The following KNTC1 variants were observed in gnomAD, a reference collection of about 807,000 sequenced individuals.
KNTC1 encodes the protein kinetochore associated 1.
Under a neutral mutation model 314.4 loss-of-function variants are expected in KNTC1, and 253 were observed. That is an observed-to-expected ratio of 0.80 (90% CI 0.73 to 0.89). The LOEUF is 0.89. Among genes scored for constraint, KNTC1 ranks in the 40% least tolerant of loss-of-function variants. The pLI is 0.00. For missense variants in KNTC1, 2,475 were observed against 2,572.9 expected (o/e 0.96, Z 0.82); for synonymous variants, 901 against 901.4 (o/e 1.00, Z 0.01).
chr12:122,605,506 C>A, intron 51 of KNTC1, 91 bp downstream of exon 51: 1 of 651,866 alleles, frequency 1.5e-6, no homozygotes. Context: ...ATGATACAGC[C>A]TTCTAATTAG....
In KNTC1 at chr12:122,563,038, A is replaced by G. The variant is rs116629313; in HGVS notation, c.1604+339A>G. ...AAAAAAAAATTTTTTTTTTTAGATTATAAGTTACATAGAAATTTGGAATGT... is the reference window on the plus strand; with the variant it reads ...AAAAAAAAATTTTTTTTTTTAGATTGTAAGTTACATAGAAATTTGGAATGT... On this transcript the variant is annotated intron_variant, in intron 20 of 63. Transcript: ENST00000333479. 8.1e-3 allele frequency among the ~76,000 whole-genome samples: 1,230 copies of G among 151,832 alleles called. 12 individuals carry two copies. The highest frequency in any genetic ancestry group is 0.032 in the South Asian group (155 of 4,818).
chr12:122,576,017 T>A (rs534884993), intron 29 of KNTC1, 118 bp downstream of exon 29: 1 of 1,211,944 alleles, frequency 8.3e-7, no homozygotes, highest in South Asian at 1.7e-5. Context: ...ACTACATTTC[T>A]TTTGTTAGAT....
intron 29 of KNTC1, among the ~76,000 whole-genome samples, chr12:122,576,540 G>T (rs189413583): frequency 1.6e-3 from 242 of 152,266 alleles, no homozygotes; most frequent in South Asian, 3.1e-3. Flanking sequence ...AATTAGCAGG[G>T]TGTGGTGGCA....
At chr12:122,616,838 A>G (rs1011366168) in intron 57 of KNTC1, among the ~76,000 whole-genome samples, 3 of 152,174 alleles carry the variant, frequency 2.0e-5, no homozygotes, top group African/African-American at 7.2e-5. Flanking sequence ...CTAATTCCAG[A>G]ACATTTTCCT....
intron 53 of KNTC1, chr12:122,611,569 C>G (rs1873126423): frequency 1.3e-5 from 2 of 152,396 alleles, no homozygotes; most frequent in Middle Eastern, 3.4e-3. Flanking sequence ...GCTCACAGCT[C>G]AGCTGTGTAC....
chr12:122,564,598 G>C (rs1284835294), intron 20 of KNTC1, among the ~76,000 whole-genome samples: 1 of 151,934 alleles, frequency 6.6e-6, no homozygotes, highest in Non-Finnish European at 1.5e-5. Context: ...CTCCCAAGTA[G>C]CTTGGGACTA....
At chr12:122,610,246 T>C (rs1227928174) in intron 52 of KNTC1, among the ~76,000 whole-genome samples, 1 of 152,194 alleles carries the variant, frequency 6.6e-6, no homozygotes, top group Admixed American at 6.5e-5. Flanking sequence ...CTGGTATGTC[T>C]ACCTGAACTA....
chr12:122,610,969 A>G, intron 53 of KNTC1, 69 bp downstream of exon 53: 1 of 1,129,682 alleles, frequency 8.9e-7, no homozygotes, highest in South Asian at 1.3e-5. Flanking sequence ...CTGTTTATTT[A>G]CCATGCTTGA....
chr12:122,622,554 G>T lies in KNTC1; in HGVS notation c.6462G>T (p.Ala2154=), dbSNP rs538519234. The change falls in exon 62 of 64, where the codon GCG becomes GCT. Residue 2154 remains alanine (A), a synonymous_variant. Transcript: ENST00000333479. ...ACTTTCAAATGTTGAAGATGCATGC[G>T]ATGAATACCAACAATATCACTGAGC... is the stretch of plus-strand genomic sequence containing the variant. The part of the protein sequence containing the change: ...TKYFQMLKMH[A]MNTNNITELV... 1.3e-6 allele frequency: 2 copies of T among 1,571,764 alleles called. No homozygotes were observed. Among genetic ancestry groups the T allele is most frequent in the Admixed American group, 1.9e-5 (1 of 53,202 alleles).
At chr12:122,556,283 G>T (rs112117543) in intron 16 of KNTC1, among the ~76,000 whole-genome samples, 3,648 of 152,018 alleles carry the variant, frequency 0.024, 134 homozygotes, top group African/African-American at 0.08. Flanking sequence ...CTCCCAAAAT[G>T]CAAGGATTAC....
intron 16 of KNTC1, among the ~76,000 whole-genome samples, chr12:122,556,395 T>C (rs900002313): frequency 6.6e-6 from 1 of 151,920 alleles, no homozygotes; most frequent in African/African-American, 2.4e-5. Context: ...TCCTTCTAAC[T>C]GAAGCTTTGC....
At chr12:122,562,806 T>A in intron 20 of KNTC1, 107 bp downstream of exon 20, 2 of 654,512 alleles carry the variant, frequency 3.1e-6, no homozygotes, top group East Asian at 6.1e-5. Flanking sequence ...GATCAGGAGT[T>A]CGAGACCAGC....
chr12:122,538,770 A>AT (rs1460635005), intron 4 of KNTC1, among the ~76,000 whole-genome samples: 1 of 152,150 alleles, frequency 6.6e-6, no homozygotes, highest in East Asian at 1.9e-4. Context: ...AGCTCTTGTC[A>AT]TTTTGAGGAA....
In KNTC1 at chr12:122,585,704, A is replaced by T. The variant is rs767739940; in HGVS notation, c.3603A>T (p.Gly1201=). Residue 1201 remains glycine, a synonymous_variant, in exon 37 of 64, where the codon GGA becomes GGT. Coordinates refer to ENST00000333479, the MANE Select transcript of KNTC1 (RefSeq NM_014708.6). ...ACAGTGACTTCTTCAGTGAAGATGG[A>T]ATTGTTCTTGAGTCACAGATGGTGC... ...WSYSDFFSED[G]IVLESQMVLP... 8.1e-6 allele frequency: 13 copies of T among 1,613,530 alleles called. No individual in the cohort carries two copies. The highest frequency in any genetic ancestry group is 8.0e-5 in the African/African-American group (6 of 74,902).
intron 18 of KNTC1, 129 bp from the exon 19 acceptor site, chr12:122,561,792 T>G: frequency 1.5e-6 from 1 of 665,146 alleles, no homozygotes. Context: ...TTCTTTATAG[T>G]TTACTATTCA....
chr12:122,591,198 G>A (rs1433041744), intron 41 of KNTC1, 139 bp from the exon 42 acceptor site: 3 of 624,470 alleles, frequency 4.8e-6, no homozygotes, highest in South Asian at 1.9e-5. Flanking sequence ...AAGAAGTAAC[G>A]ACTGTGTACA....
rs1321219613 is a variant in KNTC1 at position 122,587,771 on chromosome 12, A to G, written c.3791A>G (p.Glu1264Gly). 1.9e-6 allele frequency: 3 copies of G among 1,613,838 alleles called. No individual in the cohort carries two copies. Among genetic ancestry groups the G allele is most frequent in the East Asian group, 4.5e-5 (2 of 44,874 alleles). ...TCTGCCCTGCTTCAGAATCTTCAGG[A>G]ATCTAGCCAGTGGGAGCTAGCCCTA... ...SISALLQNLQ[E>G]SSQWELALRF... The change falls in exon 39 of 64, where the codon GAA (glutamate) becomes GGA (glycine). Residue 1264 changes from glutamate (E) to glycine (G), a missense_variant. Glu to Gly is a moderately conservative substitution (Grantham distance 98). Coordinates refer to ENST00000333479, the MANE Select transcript of KNTC1 (RefSeq NM_014708.6).
At chr12:122,605,671 G>C (rs749121437) in intron 51 of KNTC1, among the ~76,000 whole-genome samples, 1 of 151,912 alleles carries the variant, frequency 6.6e-6, no homozygotes, top group Non-Finnish European at 1.5e-5. Flanking sequence ...TCAGCCTCCC[G>C]AGTAGCTGGG....
chr12:122,532,606 G>C lies in KNTC1; in HGVS notation c.130-2058G>C, dbSNP rs766448106. ...TGAAAAATAATAGTGCATGTGTATA[G>C]AATCTTGGATTCTGGTAGGAACTAA... On this transcript the variant is annotated intron_variant, in intron 2 of 63. Coordinates refer to ENST00000333479, the MANE Select transcript of KNTC1 (RefSeq NM_014708.6). Among the ~76,000 whole-genome samples the C allele has an allele frequency of 9.2e-5, 14 of 152,164 alleles. 1 individual carries two copies. The highest frequency in any genetic ancestry group is 6.5e-5 in the Admixed American group (1 of 15,272).
Sources: allele counts gnomAD v4.1 joint callset (sites outside exome capture counted in the v4.1 genomes callset), GRCh38; gene constraint gnomAD v4.1.1; transcripts MANE v1.5; gene names NCBI Gene and HGNC (gene_info 2026-07-23, HGNC 2026-07-21).